CNTN4: variants seen among roughly 807,000 people sequenced by gnomAD.
CNTN4 encodes the protein contactin-4.
In CNTN4, 77 loss-of-function variants were observed where a neutral mutation model predicts 122.5. The ratio of observed to expected loss-of-function variants is 0.63; its 90% CI spans 0.52 to 0.76. The LOEUF (loss-of-function observed/expected upper bound fraction) is 0.76, where lower values mean the gene tolerates loss of function less well. Ranked by LOEUF, CNTN4 falls within the 30% of genes least tolerant of loss-of-function variation. The pLI is 0.00. For missense variants in CNTN4, 1,256 were observed against 1,259.1 expected (o/e 1.00, Z 0.04); for synonymous variants, 512 against 447.0 (o/e 1.15, Z -1.83).
chr3:2,431,918 C>A (rs1197709053), intron 3 of CNTN4, among the ~76,000 whole-genome samples: 1 of 152,010 alleles, frequency 6.6e-6, no homozygotes, highest in Non-Finnish European at 1.5e-5. Flanking sequence ...GGTGAATAAA[C>A]ATATAGAGTA....
chr3:2,461,522 C>T (rs1304138918), intron 3 of CNTN4, among the ~76,000 whole-genome samples: 3 of 152,150 alleles, frequency 2.0e-5, no homozygotes, highest in Non-Finnish European at 4.4e-5. Flanking sequence ...CCAGGGCTCC[C>T]ACCCACGTGG....
chr3:2,151,866 T>C (rs1267830725), intron 2 of CNTN4, among the ~76,000 whole-genome samples: 1 of 152,220 alleles, frequency 6.6e-6, no homozygotes, highest in African/African-American at 2.4e-5. Context: ...CTTCTTTATT[T>C]TGGACTTCTC....
intron 12 of CNTN4, among the ~76,000 whole-genome samples, chr3:2,904,490 G>A (rs2094208053): frequency 6.6e-6 from 1 of 152,200 alleles, no homozygotes; most frequent in African/African-American, 2.4e-5. Flanking sequence ...ATTTCATGGG[G>A]ATGGAGCCTT....
At chr3:2,812,799 T>C (rs1299001274) in intron 6 of CNTN4, among the ~76,000 whole-genome samples, 1 of 152,190 alleles carries the variant, frequency 6.6e-6, no homozygotes, top group Non-Finnish European at 1.5e-5. Flanking sequence ...ACAGGAATTA[T>C]TGTCCTGACA....
At chr3:2,432,902 A>G (rs1460886763) in intron 3 of CNTN4, among the ~76,000 whole-genome samples, 1 of 150,494 alleles carries the variant, frequency 6.6e-6, no homozygotes, top group East Asian at 2.0e-4. Context: ...TCCACAGCTC[A>G]GGCTTGAGTG....
At chr3:2,634,687 A>AAAT (rs1553599102) in intron 4 of CNTN4, among the ~76,000 whole-genome samples, 186 of 133,126 alleles carry the variant, frequency 1.4e-3, no homozygotes, top group East Asian at 4.3e-3. Context: ...AAAAAAAAAA[A>AAAT]ATATATATAT....
chr3:2,572,759 A>G (rs2079481635), intron 4 of CNTN4, among the ~76,000 whole-genome samples: 1 of 152,232 alleles, frequency 6.6e-6, no homozygotes, highest in Non-Finnish European at 1.5e-5. Flanking sequence ...GGATCTGGGA[A>G]TATAATCCTG....
chr3:2,438,183 C>T (rs1468946115), intron 3 of CNTN4, among the ~76,000 whole-genome samples: 3 of 152,092 alleles, frequency 2.0e-5, no homozygotes, highest in South Asian at 2.1e-4. Context: ...TCTTTAAAAG[C>T]GTTCAGCATT....
chr3:2,175,380 T>C (rs1305096861), intron 2 of CNTN4, among the ~76,000 whole-genome samples: 1 of 152,204 alleles, frequency 6.6e-6, no homozygotes, highest in African/African-American at 2.4e-5. Flanking sequence ...CTTAGTAATT[T>C]CGCTTTATTT....
intron 2 of CNTN4, among the ~76,000 whole-genome samples, chr3:2,194,909 G>T (rs942766714): frequency 5.9e-5 from 9 of 152,112 alleles, no homozygotes; most frequent in African/African-American, 2.2e-4. Flanking sequence ...AATAAACTCT[G>T]TTGTTTTAAG....
chr3:2,890,782 G>T (rs1398977575), intron 10 of CNTN4, among the ~76,000 whole-genome samples: 1 of 152,152 alleles, frequency 6.6e-6, no homozygotes, highest in African/African-American at 2.4e-5. Context: ...ACTGAAGCAA[G>T]TTCAGAGATA....
At chr3:2,637,618 T>C (rs1333565400) in intron 4 of CNTN4, among the ~76,000 whole-genome samples, 1 of 152,182 alleles carries the variant, frequency 6.6e-6, no homozygotes, top group African/African-American at 2.4e-5. Flanking sequence ...AAGGTACCTC[T>C]GCTGTCTGTG....
In CNTN4 at chr3:2,529,104, C is replaced by G. The variant is rs1575863488; in HGVS notation, c.-88-42312C>G. Among the ~76,000 whole-genome samples, 3 of 152,132 alleles carry G rather than the reference C, an allele frequency of 2.0e-5. 1 individual carries two copies. In the East Asian group the frequency reaches 5.8e-4, roughly 29 times the overall value. Reference sequence around the variant, plus strand: ...TTTAATGAATTTCTCCCTATCTTTGCTCTCCCCACTCTTCCCAGCCTCTAA... The same window carrying G: ...TTTAATGAATTTCTCCCTATCTTTGGTCTCCCCACTCTTCCCAGCCTCTAA... On this transcript the variant is annotated intron_variant, in intron 3 of 24. Transcript: ENST00000418658.
At chr3:2,301,987 C>T (rs369350055) in intron 2 of CNTN4, among the ~76,000 whole-genome samples, 61 of 152,188 alleles carry the variant, frequency 4.0e-4, no homozygotes, top group African/African-American at 1.4e-3. Context: ...ATTAATCATA[C>T]GTGTGTATGT....
chr3:2,872,657 A>C (rs1364735244), intron 8 of CNTN4, among the ~76,000 whole-genome samples: 1 of 152,066 alleles, frequency 6.6e-6, no homozygotes, highest in South Asian at 2.1e-4. Context: ...AGATTATCCT[A>C]TCTTAGAGTT....
chr3:2,651,201 T>C (rs562841716), intron 4 of CNTN4, among the ~76,000 whole-genome samples: 121 of 152,254 alleles, frequency 7.9e-4, no homozygotes, highest in African/African-American at 2.9e-3. Context: ...CTCCATTCTT[T>C]CACCACCTCC....
At chr3:2,655,178 T>A (rs1313274260) in intron 4 of CNTN4, among the ~76,000 whole-genome samples, 1 of 152,202 alleles carries the variant, frequency 6.6e-6, no homozygotes, top group Non-Finnish European at 1.5e-5. Flanking sequence ...CCCTCCAGTG[T>A]GATACAGAAT....
intron 14 of CNTN4, among the ~76,000 whole-genome samples, chr3:3,023,666 G>T (rs1049986429): frequency 6.6e-6 from 1 of 152,146 alleles, no homozygotes; most frequent in African/African-American, 2.4e-5. Context: ...CTTAGAGCTA[G>T]AGCCACCATT....
At chr3:2,283,994 A>G (rs1204407203) in intron 2 of CNTN4, among the ~76,000 whole-genome samples, 2 of 152,026 alleles carry the variant, frequency 1.3e-5, no homozygotes, top group African/African-American at 4.8e-5. Flanking sequence ...TATCTAGTTC[A>G]TCTCTTGCTA....
Sources: allele counts gnomAD v4.1 joint callset (sites outside exome capture counted in the v4.1 genomes callset), GRCh38; gene constraint gnomAD v4.1.1; transcripts MANE v1.5; gene names NCBI Gene and HGNC (gene_info 2026-07-23, HGNC 2026-07-21).